The following RFC1 variants were observed in gnomAD, a reference collection of about 807,000 sequenced individuals.
RFC1 encodes the protein replication factor C subunit 1, also known as A1 140 kDa subunit.
Under a neutral mutation model 137.4 loss-of-function variants are expected in RFC1, and 37 were observed. The observed-to-expected ratio is 0.27, with a 90% confidence interval of 0.21 to 0.35. The LOEUF (loss-of-function observed/expected upper bound fraction) is 0.35, where lower values mean the gene tolerates loss of function less well. Among genes scored for constraint, RFC1 ranks in the 10% least tolerant of loss-of-function variants. The pLI, the probability that RFC1 is intolerant of heterozygous loss-of-function variation, is 1.00. For synonymous variants in RFC1, 429 were observed against 455.7 expected (o/e 0.94, Z 0.75); for missense variants, 1,205 against 1,358.5 (o/e 0.89, Z 1.78).
At chr4:39,314,008 C>T (rs1464046720) in intron 10 of RFC1, among the ~76,000 whole-genome samples, 2 of 152,184 alleles carry the variant, frequency 1.3e-5, no homozygotes, top group East Asian at 1.9e-4. Context: ...GAAAATTATA[C>T]ATGACATTCC....
chr4:39,365,535 A>G lies in RFC1; in HGVS notation c.3+704T>C, dbSNP rs1226830386. The G allele has an allele frequency of 4.1e-6, 4 of 977,602 alleles. No homozygotes were observed. In the Admixed American group the frequency reaches 1.8e-4, roughly 45 times the overall value. The allele number at this position is 977,602 out of a possible 1,614,324, so 60.6% of individuals were successfully genotyped here. ...TTGTTTGAACATTTTATCCAGAATT[A>G]TGCAGTGAGGCTTGGGTTTTTTTCA... On this transcript the variant is annotated intron_variant, in intron 1 of 24. Transcript: ENST00000349703.
rs1451618664 is a variant in RFC1 at position 39,288,027 on chromosome 4, CAGAG to C, written c.*730_*733del. On this transcript the variant is annotated 3_prime_UTR_variant, in exon 25 of 25. Coordinates refer to ENST00000349703, the MANE Select transcript of RFC1 (RefSeq NM_002913.5). ...ACAGCAGAGACGTGGTCAACACACA[CAGAG>C]GGAGTGAGGCTGGGAATCCGAGTTC... is the stretch of plus-strand genomic sequence containing the variant. 6.6e-6 allele frequency: 1 copy of C among 152,216 alleles called. No homozygotes were observed. Among genetic ancestry groups the C allele is most frequent in the Non-Finnish European group, 1.5e-5 (1 of 68,056 alleles). The allele number at this position is 152,216 out of a possible 1,614,324, so 9.4% of individuals were successfully genotyped here. A position where few individuals can be genotyped will look rare whatever the true frequency, so the allele number is the denominator to read the frequency against.
At chr4:39,320,803 C>T (rs543905503) in intron 8 of RFC1, 134 bp from the exon 9 acceptor site, 77 of 722,418 alleles carry the variant, frequency 1.1e-4, no homozygotes, top group Middle Eastern at 4.1e-4. Context: ...AGTGTCAAGA[C>T]CATCTGTTTA....
At chr4:39,334,346 T>C (rs1477785376) in intron 4 of RFC1, among the ~76,000 whole-genome samples, 1 of 152,204 alleles carries the variant, frequency 6.6e-6, no homozygotes, top group Non-Finnish European at 1.5e-5. Flanking sequence ...CTATGACTTC[T>C]GAACTAGTTG....
chr4:39,311,941 T>C (rs17288342), intron 11 of RFC1, among the ~76,000 whole-genome samples: 2,801 of 152,290 alleles, frequency 0.018, 36 homozygotes, highest in Non-Finnish European at 0.028. Flanking sequence ...GGAACTCCAA[T>C]GTGTCCTTCT....
chr4:39,337,485 AG>A (rs1218146041), intron 4 of RFC1, among the ~76,000 whole-genome samples: 1 of 150,412 alleles, frequency 6.6e-6, no homozygotes, highest in Non-Finnish European at 1.5e-5. Flanking sequence ...ACATTTACTT[AG>A]GTAATTTAAA....
chr4:39,322,467 A>C (rs1170398686), intron 7 of RFC1: 1 of 152,266 alleles, frequency 6.6e-6, no homozygotes, highest in African/African-American at 2.4e-5. Flanking sequence ...CTGTCATAAT[A>C]TAGATCTTAG....
chr4:39,351,271 A>C (rs1741184417), intron 2 of RFC1, 77 bp downstream of exon 2: 1 of 671,276 alleles, frequency 1.5e-6, no homozygotes, highest in African/African-American at 1.8e-5. Flanking sequence ...AAAAAAAAAA[A>C]AAAAAAAAAA....
intron 15 of RFC1, 147 bp from the exon 16 acceptor site, chr4:39,303,298 GA>G (rs756287750): frequency 0.16 from 62,408 of 393,928 alleles, 390 homozygotes; most frequent in African/African-American, 0.2. Flanking sequence ...TGTTGTTAAA[GA>G]AAAAAAAAAA....
At chr4:39,314,267 G>A (rs746513930) in intron 10 of RFC1, among the ~76,000 whole-genome samples, 5 of 152,120 alleles carry the variant, frequency 3.3e-5, no homozygotes, top group Non-Finnish European at 5.9e-5. Flanking sequence ...ATGATCTACT[G>A]TAACACTACA....
At chr4:39,366,087 G>T in intron 1 of RFC1, 152 bp downstream of exon 1, 2 of 803,726 alleles carry the variant, frequency 2.5e-6, no homozygotes, top group Non-Finnish European at 3.7e-6. Context: ...TGCGTCCAGT[G>T]CCCGGTGTGC....
At chr4:39,296,039 A>G (rs928961630) in intron 21 of RFC1, 1 of 279,366 alleles carries the variant, frequency 3.6e-6, no homozygotes. Flanking sequence ...ATCTCAACAT[A>G]CCGGTTACCT....
intron 4 of RFC1, among the ~76,000 whole-genome samples, chr4:39,336,052 T>G (rs1304402978): frequency 6.6e-6 from 1 of 152,172 alleles, no homozygotes; most frequent in Non-Finnish European, 1.5e-5. Flanking sequence ...AGTATCTTAG[T>G]GTCTCATTAT....
At chr4:39,357,327 A>G (rs1741525845) in intron 1 of RFC1, among the ~76,000 whole-genome samples, 1 of 152,226 alleles carries the variant, frequency 6.6e-6, no homozygotes, top group Non-Finnish European at 1.5e-5. Context: ...CTGAAGTCAT[A>G]ATATTTACTA....
intron 13 of RFC1, among the ~76,000 whole-genome samples, 191 bp from the exon 14 acceptor site, chr4:39,306,892 A>AC (rs772383810): frequency 1.3e-5 from 2 of 151,842 alleles, no homozygotes; most frequent in African/African-American, 4.8e-5. Flanking sequence ...TTCCTACCTC[A>AC]CCCCCACCCA....
intron 13 of RFC1, 22 bp downstream of exon 13, chr4:39,308,614 A>G: frequency 6.3e-7 from 1 of 1,595,942 alleles, no homozygotes; most frequent in African/African-American, 1.3e-5. Flanking sequence ...ACACACAAAA[A>G]TGAGTGAGGT....
chr4:39,320,517 T>C lies in RFC1; in HGVS notation c.961A>G (p.Ile321Val). ...GAGCTCTCTTCTTTTCTTTTCATAA[T>C]TGCCAGCTTAGAACTGGCCTTGGGA... ...SSPKASSKLA[I>V]MKRKEESSYK... Residue 321 changes from isoleucine to valine, a missense_variant, in exon 9 of 25, where the codon ATT becomes GTT. By Grantham distance (29) the Ile-to-Val change is conservative. Transcript: ENST00000349703. The C allele has an allele frequency of 6.2e-7, 1 of 1,612,364 alleles. No individual in the cohort carries two copies.
chr4:39,307,531 A>G (rs1257282549), intron 13 of RFC1: 1 of 152,930 alleles, frequency 6.5e-6, no homozygotes, highest in Non-Finnish European at 1.5e-5. Context: ...CCTGGCCAGC[A>G]TGGTGAAATC....
intron 8 of RFC1, 38 bp downstream of exon 8, chr4:39,321,249 G>A (rs763724992): frequency 2.5e-5 from 36 of 1,455,070 alleles, no homozygotes; most frequent in Admixed American, 8.7e-5. Context: ...CTTCCATGAA[G>A]ACAAGTGCTC....
Sources: gnomAD v4.1 joint callset for allele counts (sites outside exome capture counted in the v4.1 genomes callset) on GRCh38, gnomAD v4.1.1 for gene constraint, MANE v1.5 for transcripts, NCBI Gene and HGNC (gene_info 2026-07-23, HGNC 2026-07-21) for gene names.